GRID2: variants seen among roughly 807,000 people sequenced by gnomAD.
GRID2 encodes glutamate receptor ionotropic, delta-2.
Under a neutral mutation model 114.8 loss-of-function variants are expected in GRID2, and 33 were observed. That is an observed-to-expected ratio of 0.29 (90% CI 0.22 to 0.38). The LOEUF (loss-of-function observed/expected upper bound fraction) is 0.38, where lower values mean the gene tolerates loss of function less well. Ranked by LOEUF, GRID2 falls within the 10% of genes least tolerant of loss-of-function variation. GRID2 has a pLI of 1.00. For synonymous variants in GRID2, 505 were observed against 449.9 expected, an observed-to-expected ratio of 1.12 and a Z score of -1.55; for missense variants, 1,184 against 1,257.7, an observed-to-expected ratio of 0.94 and a Z score of 0.89.
intron 1 of GRID2, among the ~76,000 whole-genome samples, chr4:92,464,699 T>G (rs4563468): frequency 0.86 from 130,641 of 152,072 alleles, 56,286 homozygotes; most frequent in East Asian, 1. Context: ...AGTCTATTAG[T>G]GGAGCTAGAA....
intron 2 of GRID2, among the ~76,000 whole-genome samples, chr4:93,027,240 A>C (rs75805438): frequency 1.3e-5 from 2 of 152,128 alleles, no homozygotes; most frequent in African/African-American, 2.4e-5. Flanking sequence ...AGAACAGTCA[A>C]ATTTTTAGGG....
rs537100971 is a variant in GRID2 at position 93,453,392 on chromosome 4, T to A, written c.1546-2270T>A. 2.6e-5 allele frequency among the ~76,000 whole-genome samples: 4 copies of A among 151,564 alleles called. No homozygotes were observed. In the South Asian group the frequency reaches 8.4e-4, roughly 32 times the overall value. On this transcript the variant is annotated intron_variant, in intron 10 of 15. Coordinates refer to ENST00000282020, the MANE Select transcript of GRID2 (RefSeq NM_001510.4). ...TATTTGTTAGAAAAAGTTCATTATATGATTCTGATATGCCTCCCACAGGGA... is the reference window on the plus strand; with the variant it reads ...TATTTGTTAGAAAAAGTTCATTATAAGATTCTGATATGCCTCCCACAGGGA...
At chr4:92,627,189 C>T (rs62307948) in intron 2 of GRID2, among the ~76,000 whole-genome samples, 8,461 of 152,000 alleles carry the variant, frequency 0.056, 302 homozygotes, top group East Asian at 0.16. Flanking sequence ...CTATAGTATA[C>T]GTATGGAATG....
At chr4:92,587,104 GT>G (rs201510576) in intron 1 of GRID2, among the ~76,000 whole-genome samples, 7,445 of 139,688 alleles carry the variant, frequency 0.053, 211 homozygotes, top group East Asian at 0.11. Context: ...AATGCTGTGT[GT>G]GTGTGTGTGT....
chr4:93,524,374 A>G (rs1213743604), intron 13 of GRID2, among the ~76,000 whole-genome samples: 1 of 152,142 alleles, frequency 6.6e-6, no homozygotes, highest in Non-Finnish European at 1.5e-5. Flanking sequence ...TCTGCTCTCT[A>G]GAAATCAGAG....
intron 1 of GRID2, among the ~76,000 whole-genome samples, chr4:92,411,655 G>GTGTGTGTGTGTGTGTATATATATA: frequency 1.2e-5 from 1 of 84,724 alleles, no homozygotes; most frequent in African/African-American, 5.9e-5. Flanking sequence ...GTGTGTGTGT[G>GTGTGTGTGTGTGTGTATATATATA]TATATATATA....
chr4:92,663,576 A>G (rs1465703151), intron 2 of GRID2, among the ~76,000 whole-genome samples: 1 of 151,204 alleles, frequency 6.6e-6, no homozygotes, highest in Non-Finnish European at 1.5e-5. Flanking sequence ...CAATTTCACA[A>G]ACATATCTTT....
chr4:92,833,151 AG>A (rs1353781222), intron 2 of GRID2, among the ~76,000 whole-genome samples: 1 of 152,220 alleles, frequency 6.6e-6, no homozygotes, highest in Admixed American at 6.5e-5. Flanking sequence ...AACTTTCCAT[AG>A]CTCTTAATGA....
At chr4:93,014,061 T>C (rs1729560654) in intron 2 of GRID2, among the ~76,000 whole-genome samples, 1 of 152,064 alleles carries the variant, frequency 6.6e-6, no homozygotes, top group African/African-American at 2.4e-5. Flanking sequence ...TTGAGCACTT[T>C]GTGGAGAGAA....
intron 2 of GRID2, among the ~76,000 whole-genome samples, chr4:92,769,471 T>C (rs1032755237): frequency 1.6e-4 from 25 of 152,124 alleles, no homozygotes; most frequent in Admixed American, 1.5e-3. Flanking sequence ...CACTAGGTGG[T>C]GCCCCAGTGG....
chr4:93,796,899 T>G (rs888219852), intron 1 of GRID2, among the ~76,000 whole-genome samples: 2 of 152,136 alleles, frequency 1.3e-5, no homozygotes, highest in African/African-American at 4.8e-5. Context: ...TAATGTACAG[T>G]CATGCATCAT....
At chr4:93,224,828 A>G in intron 7 of GRID2, 53 bp downstream of exon 7, 2 of 1,306,858 alleles carry the variant, frequency 1.5e-6, no homozygotes, top group Admixed American at 4.1e-5. Flanking sequence ...TATTTGACAT[A>G]TTTTAGAAAA....
At chr4:92,341,578 A>G (rs929083411) in intron 1 of GRID2, among the ~76,000 whole-genome samples, 1 of 152,156 alleles carries the variant, frequency 6.6e-6, no homozygotes, top group African/African-American at 2.4e-5. Flanking sequence ...TTGAGAATCA[A>G]GGTTCATCTA....
At chr4:93,475,353 A>T (rs1725223770) in intron 11 of GRID2, among the ~76,000 whole-genome samples, 1 of 152,198 alleles carries the variant, frequency 6.6e-6, no homozygotes, top group African/African-American at 2.4e-5. Context: ...ATTCAAAATT[A>T]GGAAAGCTGA....
chr4:93,365,687 G>A (rs1762270864), intron 8 of GRID2, among the ~76,000 whole-genome samples: 1 of 152,162 alleles, frequency 6.6e-6, no homozygotes, highest in Non-Finnish European at 1.5e-5. Context: ...TACTAATAAA[G>A]ATAGTTCTCA....
chr4:93,293,604 GA>G (rs35486818), intron 8 of GRID2, among the ~76,000 whole-genome samples: 10,185 of 143,330 alleles, frequency 0.071, 1,014 homozygotes, highest in African/African-American at 0.23. Context: ...ACACATTATT[GA>G]AAAAAAAAAA....
At chr4:92,782,211 A>G (rs2149359218) in intron 2 of GRID2, among the ~76,000 whole-genome samples, 1 of 152,204 alleles carries the variant, frequency 6.6e-6, no homozygotes, top group Middle Eastern at 3.4e-3. Context: ...TTTCCTTATC[A>G]GTAAAATTTC....
intron 2 of GRID2, among the ~76,000 whole-genome samples, chr4:92,740,697 TAGATAGATA>T (rs1560565420): frequency 0.011 from 1,073 of 99,804 alleles, 5 homozygotes; most frequent in African/African-American, 0.029. Flanking sequence ...AGATGATAGA[TAGATAGATA>T]GATAGATAGA....
intron 2 of GRID2, among the ~76,000 whole-genome samples, chr4:92,657,898 A>G (rs62309212): frequency 0.074 from 11,218 of 151,662 alleles, 476 homozygotes; most frequent in East Asian, 0.16. Flanking sequence ...TTGAAATAAC[A>G]TGTAGATGTG....
Sources: gnomAD v4.1 joint callset for allele counts (sites outside exome capture counted in the v4.1 genomes callset) on GRCh38, gnomAD v4.1.1 for gene constraint, MANE v1.5 for transcripts, NCBI Gene and HGNC (gene_info 2026-07-23, HGNC 2026-07-21) for gene names.